CENPK: variants seen among roughly 807,000 people sequenced by gnomAD.
CENPK encodes the protein centromere protein K.
Under a neutral mutation model 40.9 loss-of-function variants are expected in CENPK, and 46 were observed. The ratio of observed to expected loss-of-function variants is 1.13; its 90% confidence interval spans 0.89 to 1.44. CENPK has a LOEUF of 1.44. Ranked by LOEUF, CENPK falls within the 40% of genes most tolerant of loss-of-function variation. The pLI, the probability that CENPK is intolerant of heterozygous loss-of-function variation, is 0.00. For missense variants in CENPK, 288 were observed against 303.5 expected (o/e 0.95, Z 0.38); for synonymous variants, 107 against 104.4 (o/e 1.02, Z -0.15).
intron 9 of CENPK, among the ~76,000 whole-genome samples, chr5:65,527,725 T>C (rs1019619795): frequency 6.6e-6 from 1 of 151,750 alleles, no homozygotes; most frequent in Non-Finnish European, 1.5e-5. Flanking sequence ...CACAGAAAAT[T>C]GAAAAAATTG....
At chr5:65,505,693 G>C in the CENPK span, among the ~76,000 whole-genome samples, 5 of 152,156 alleles carry the variant, frequency 3.3e-5, no homozygotes, top group African/African-American at 1.2e-4. Flanking sequence ...AGCATATTTA[G>C]CTTTTTTATC....
intron 5 of CENPK, among the ~76,000 whole-genome samples, chr5:65,545,324 GCACACA>G (rs869192025): frequency 0.068 from 4,348 of 64,146 alleles, 170 homozygotes; most frequent in African/African-American, 0.072. Flanking sequence ...CTCAAAGCGC[GCACACA>G]CACACACACA....
chr5:65,539,817 T>C (rs2150434591), intron 6 of CENPK, among the ~76,000 whole-genome samples: 1 of 152,362 alleles, frequency 6.6e-6, no homozygotes. Flanking sequence ...TGGCTTGCAC[T>C]TTCTGCACCC....
chr5:65,546,446 G>T (rs1255477277), intron 5 of CENPK, among the ~76,000 whole-genome samples: 1 of 152,230 alleles, frequency 6.6e-6, no homozygotes, highest in Non-Finnish European at 1.5e-5. Flanking sequence ...AGGTGTCTAT[G>T]AAATATTTTG....
At chr5:65,538,782 C>T (rs1455360527) in intron 6 of CENPK, among the ~76,000 whole-genome samples, 3 of 152,200 alleles carry the variant, frequency 2.0e-5, no homozygotes, top group African/African-American at 7.2e-5. Context: ...AAGAGCCTCA[C>T]TAGTTTAATG....
Position 65,552,276 on chromosome 5 carries a change from A to G in CENPK, c.168+217T>C, listed in dbSNP as rs376324856. 2.8e-4 allele frequency among the ~76,000 whole-genome samples: 42 copies of G among 152,356 alleles called. No homozygotes were observed. The South Asian group carries it at 8.5e-3, about 31-fold the overall frequency. On this transcript the variant is annotated intron_variant, in intron 4 of 10. Transcript: ENST00000396679. The stretch of plus-strand genomic sequence containing the variant: ...AGTTGCTAAAAGACAAATAATAAAG[A>G]AAATACTCTCTTATTTATAATAGCT...
downstream of CENPK, among the ~76,000 whole-genome samples, chr5:65,515,660 C>A (rs1742806439): frequency 6.6e-6 from 1 of 152,014 alleles, no homozygotes; most frequent in African/African-American, 2.4e-5. Context: ...TAGTTTAATT[C>A]CTTTGTAGTC....
intron 5 of CENPK, chr5:65,550,414 G>A (rs1363079729): frequency 6.6e-6 from 1 of 152,194 alleles, no homozygotes; most frequent in Non-Finnish European, 1.5e-5. Flanking sequence ...TTAAGGAAAA[G>A]GGAGGGCCAA....
the CENPK span, among the ~76,000 whole-genome samples, chr5:65,509,027 T>C: frequency 1.3e-5 from 2 of 152,172 alleles, no homozygotes; most frequent in South Asian, 4.1e-4. Flanking sequence ...AGAAAGGACT[T>C]ATATTCAGAA....
chr5:65,536,596 C>T (rs963199874), intron 6 of CENPK, among the ~76,000 whole-genome samples: 13 of 151,830 alleles, frequency 8.6e-5, no homozygotes, highest in African/African-American at 1.7e-4. Context: ...ACACTCCAAC[C>T]GGGGCAACAG....
chr5:65,522,104 A>C (rs1489581398), intron 9 of CENPK, among the ~76,000 whole-genome samples: 2 of 152,210 alleles, frequency 1.3e-5, no homozygotes, highest in African/African-American at 4.8e-5. Flanking sequence ...TAAGCATATA[A>C]TAGATATACA....
chr5:65,524,315 G>A (rs2150353903), intron 9 of CENPK, among the ~76,000 whole-genome samples: 1 of 151,632 alleles, frequency 6.6e-6, no homozygotes, highest in Admixed American at 6.6e-5. Flanking sequence ...AACCCGGGAG[G>A]TGGAGCTTAC....
chr5:65,519,471 A>G (rs557969398), intron 10 of CENPK, among the ~76,000 whole-genome samples: 2 of 152,348 alleles, frequency 1.3e-5, no homozygotes, highest in East Asian at 3.9e-4. Context: ...TTCACAAATT[A>G]CAAAAGTAGA....
chr5:65,527,497 CCATATATATATATATATA>C (rs1744913656), intron 9 of CENPK, among the ~76,000 whole-genome samples: 1 of 86,298 alleles, frequency 1.2e-5, no homozygotes, highest in South Asian at 4.6e-4. Flanking sequence ...CTTATTAACA[CCATATATATATATATATA>C]TATATATATA....
the CENPK span, among the ~76,000 whole-genome samples, chr5:65,510,724 C>A: frequency 6.7e-5 from 10 of 149,860 alleles, no homozygotes; most frequent in African/African-American, 2.5e-4. Context: ...TGCAGTGAGC[C>A]GAGATTGTGC....
intron 6 of CENPK, among the ~76,000 whole-genome samples, chr5:65,530,726 T>G (rs1422932594): frequency 6.6e-6 from 1 of 151,208 alleles, no homozygotes; most frequent in East Asian, 2.0e-4. Context: ...CTGGGCAACA[T>G]GGTGAAACCC....
At chr5:65,536,911 C>T (rs1369101135) in intron 6 of CENPK, among the ~76,000 whole-genome samples, 1 of 152,052 alleles carries the variant, frequency 6.6e-6, no homozygotes, top group East Asian at 1.9e-4. Flanking sequence ...GCAATTGGGT[C>T]GTGGGGGCTC....
At chr5:65,533,055 G>C (rs768778794) in intron 6 of CENPK, among the ~76,000 whole-genome samples, 34 of 151,346 alleles carry the variant, frequency 2.2e-4, no homozygotes, top group Non-Finnish European at 3.5e-4. Flanking sequence ...ATATTAATTT[G>C]TGATTTTAAA....
At chr5:65,535,812 G>A (rs1453290664) in intron 6 of CENPK, among the ~76,000 whole-genome samples, 1 of 152,198 alleles carries the variant, frequency 6.6e-6, no homozygotes, top group East Asian at 1.9e-4. Flanking sequence ...CAGTCTTAGA[G>A]AAAACTCTGA....
Sources: gnomAD v4.1 joint callset for allele counts (sites outside exome capture counted in the v4.1 genomes callset) on GRCh38, gnomAD v4.1.1 for gene constraint, MANE v1.5 for transcripts, NCBI Gene and HGNC (gene_info 2026-07-23, HGNC 2026-07-21) for gene names.